EIPR1: variants seen among roughly 807,000 people sequenced by gnomAD.
EIPR1 encodes the protein EARP complex and GARP complex interacting protein 1.
In EIPR1, 25 loss-of-function variants were observed where a neutral mutation model predicts 48.1. The observed-to-expected ratio is 0.52, with a 90% CI of 0.38 to 0.73. The LOEUF (loss-of-function observed/expected upper bound fraction) is 0.73. Among genes scored for constraint, EIPR1 ranks in the 30% least tolerant of loss-of-function variants. The pLI, the probability that EIPR1 is intolerant of heterozygous loss-of-function variation, is 0.00. For missense variants in EIPR1, 415 were observed against 506.2 expected (o/e 0.82, Z 1.73); for synonymous variants, 204 against 201.9 (o/e 1.01, Z -0.09).
chr2:3,257,452 G>C lies in EIPR1; in HGVS notation c.263C>G (p.Ser88Ter). 1 of 1,614,164 alleles carries C rather than the reference G, an allele frequency of 6.2e-7. No homozygotes were observed. The highest frequency in any genetic ancestry group is 1.7e-5 in the Admixed American group (1 of 60,024). Residue 88 changes from serine to a stop codon, truncating the protein, a stop_gained, in exon 4 of 9, where the codon TCA becomes TGA. Transcript: ENST00000382125. LOFTEE classifies it high-confidence loss of function. ...TGCACATGTCAGGACTTTGCTGTCT[G>C]AAGCTGAGCAACAGAGCATAATGGA... ...GVLTTCYNRTSDSKVLTCAAV... is the reference protein window; with the variant it reads ...GVLTTCYNRT
intron 4 of EIPR1, among the ~76,000 whole-genome samples, chr2:3,247,044 G>A (rs191657939): frequency 1.2e-4 from 1 of 8,636 alleles, no homozygotes; most frequent in African/African-American, 3.2e-4. Flanking sequence ...AGGGAGAGAG[G>A]GAGGGAGAGA....
chr2:3,242,902 G>A (rs938731699), intron 4 of EIPR1, among the ~76,000 whole-genome samples: 1 of 152,152 alleles, frequency 6.6e-6, no homozygotes, highest in Non-Finnish European at 1.5e-5. Context: ...CGTGCAAGAA[G>A]TATAAAAAAG....
intron 7 of EIPR1, among the ~76,000 whole-genome samples, chr2:3,193,526 G>C (rs1664684667): frequency 1.3e-5 from 2 of 152,304 alleles, no homozygotes; most frequent in African/African-American, 2.4e-5. Context: ...AAAGTACCCA[G>C]CACATGAAAA....
chr2:3,337,676 T>C (rs1670108091), intron 3 of EIPR1, among the ~76,000 whole-genome samples: 1 of 152,122 alleles, frequency 6.6e-6, no homozygotes, highest in Admixed American at 6.5e-5. Flanking sequence ...ACCAAGACAC[T>C]ACAGGAAAGA....
chr2:3,269,662 TCACA>T (rs1558263857), intron 3 of EIPR1, among the ~76,000 whole-genome samples: 19 of 148,146 alleles, frequency 1.3e-4, no homozygotes, highest in Admixed American at 6.0e-4. Flanking sequence ...CACTCAATCA[TCACA>T]CTCAATCATC....
intron 3 of EIPR1, chr2:3,319,000 C>T (rs908875527): frequency 1.7e-5 from 8 of 468,468 alleles, no homozygotes; most frequent in African/African-American, 1.6e-4. Flanking sequence ...GAACTTACCC[C>T]AGCAACAAAA....
At chr2:3,294,258 C>G (rs1000441045) in intron 3 of EIPR1, among the ~76,000 whole-genome samples, 1 of 151,912 alleles carries the variant, frequency 6.6e-6, no homozygotes, top group African/African-American at 2.4e-5. Context: ...CAAACACACA[C>G]CCTCCATCCA....
chr2:3,347,459 T>G (rs1295247823), intron 2 of EIPR1, among the ~76,000 whole-genome samples: 1 of 152,226 alleles, frequency 6.6e-6, no homozygotes, highest in African/African-American at 2.4e-5. Flanking sequence ...AAGCTCTCTT[T>G]GCCTGCCGCC....
intron 6 of EIPR1, among the ~76,000 whole-genome samples, chr2:3,195,317 T>G (rs1172074462): frequency 6.6e-6 from 1 of 152,228 alleles, no homozygotes; most frequent in Non-Finnish European, 1.5e-5. Context: ...TCCTGCATCA[T>G]TTACCTTCCT....
chr2:3,265,597 T>C, intron 3 of EIPR1, among the ~76,000 whole-genome samples: 1 of 152,220 alleles, frequency 6.6e-6, no homozygotes, highest in Non-Finnish European at 1.5e-5. Context: ...GTAATGTAAC[T>C]TCCTGTGCCG....
At position 3,338,044 on chromosome 2, in the gene EIPR1, C is replaced by T. The variant is rs199764167; in HGVS notation, c.232G>A (p.Gly78Ser). The change falls in exon 3 of 9, where the codon GGT becomes AGT. Residue 78 changes from glycine (G) to serine (S), a missense_variant. Gly to Ser is a moderately conservative substitution (Grantham distance 56). Coordinates refer to ENST00000382125, the MANE Select transcript of EIPR1 (RefSeq NM_003310.5). ...CTGTTGTAGCAGGTCGTCAGCACAC[C>T]TCTGTCTGCAGGGCTAGCGCTAATA... ...WHISASPADR[G>S]VLTTCYNRTS... 271 of 1,609,386 alleles carry T rather than the reference C, an allele frequency of 1.7e-4. No individual in the cohort carries two copies. The highest frequency in any genetic ancestry group is 2.2e-4 in the Non-Finnish European group (263 of 1,179,116).
intron 3 of EIPR1, 44 bp downstream of exon 3, chr2:3,337,973 C>G (rs1201132254): frequency 1.9e-6 from 3 of 1,558,842 alleles, no homozygotes; most frequent in Non-Finnish European, 2.6e-6. Context: ...GAAATACCTC[C>G]AGTTACCTCC....
chr2:3,375,796 C>T (rs1659857214), intron 1 of EIPR1, among the ~76,000 whole-genome samples: 1 of 152,192 alleles, frequency 6.6e-6, no homozygotes, highest in Admixed American at 6.5e-5. Flanking sequence ...ATAATGATTG[C>T]TGTGAGAATT....
At chr2:3,202,293 G>T (rs1388505669) in intron 5 of EIPR1, among the ~76,000 whole-genome samples, 1 of 152,190 alleles carries the variant, frequency 6.6e-6, no homozygotes, top group Admixed American at 6.5e-5. Context: ...TACCTTTGTA[G>T]TATTCCCTTT....
chr2:3,189,573 G>A lies in EIPR1; in HGVS notation c.990-65C>T, dbSNP rs1005206134. The A allele has an allele frequency of 2.4e-5, 35 of 1,438,724 alleles. No individual in the cohort carries two copies. The African/African-American group carries it at 4.5e-4, about 18-fold the overall frequency. 89.1% of individuals were successfully genotyped at this position (1,438,724 alleles called of 1,614,324 possible). A position where few individuals can be genotyped will look rare whatever the true frequency, so the allele number is the denominator to read the frequency against. On this transcript the variant is annotated intron_variant, in intron 8 of 8. Transcript: ENST00000382125. This position sits in a 1 kb window ranked among gnomAD's most constrained non-coding sequence, Gnocchi z 4.6. ...GGCGGGGCGGGCAGGAGAGGGGCAG[G>A]GAGGACGCGAGCGCTGACATCGGGA...
At chr2:3,193,973 C>T (rs1482356054) in intron 7 of EIPR1, 26 bp downstream of exon 7, 2 of 1,611,458 alleles carry the variant, frequency 1.2e-6, no homozygotes, top group Non-Finnish European at 1.7e-6. Context: ...TCCCCTCCTC[C>T]CTGAAGCAGC....
intron 6 of EIPR1, 86 bp from the exon 7 acceptor site, chr2:3,194,252 G>C: frequency 1.3e-6 from 2 of 1,533,080 alleles, no homozygotes; most frequent in Non-Finnish European, 8.9e-7. Flanking sequence ...CTGGTTTCCC[G>C]GGACCCTGTC....
intron 3 of EIPR1, among the ~76,000 whole-genome samples, chr2:3,293,928 T>C (rs189039417): frequency 1.1e-4 from 16 of 152,292 alleles, no homozygotes; most frequent in Non-Finnish European, 1.8e-4. Flanking sequence ...CTTCCTTAAA[T>C]TTAATTAAAT....
intron 3 of EIPR1, among the ~76,000 whole-genome samples, chr2:3,273,019 A>G (rs1470953205): frequency 6.6e-6 from 1 of 152,246 alleles, no homozygotes; most frequent in African/African-American, 2.4e-5. Flanking sequence ...TGAGATGTCA[A>G]GAGCTATCTA....
Sources: allele counts gnomAD v4.1 joint callset (sites outside exome capture counted in the v4.1 genomes callset), GRCh38; gene constraint gnomAD v4.1.1; non-coding constraint Gnocchi (gnomAD v3.1); transcripts MANE v1.5; gene names NCBI Gene and HGNC (gene_info 2026-07-23, HGNC 2026-07-21).